KIAA0825: variants seen among roughly 807,000 people sequenced by gnomAD.
KIAA0825 encodes the protein uncharacterized protein KIAA0825.
In KIAA0825, 119 loss-of-function variants were observed where a neutral mutation model predicts 147.6. The observed-to-expected ratio is 0.81, with a 90% confidence interval of 0.69 to 0.94. KIAA0825 has a LOEUF of 0.94. KIAA0825 is among the 40% of genes least tolerant of loss of function. The probability of loss-of-function intolerance (pLI) is 0.00; values close to 1 mark genes in which losing one functional copy is unlikely to be tolerated. For synonymous variants in KIAA0825, 470 were observed against 518.1 expected (o/e 0.91, Z 1.26); for missense variants, 1,381 against 1,472.7 (o/e 0.94, Z 1.02).
chr5:94,610,787 GTATATA>G (rs374319650), intron 1 of KIAA0825, among the ~76,000 whole-genome samples: 3 of 95,120 alleles, frequency 3.2e-5, no homozygotes, highest in African/African-American at 1.3e-4. Context: ...AAAAAAAAAA[GTATATA>G]TATATATATA....
chr5:94,505,936 A>G (rs1190643703), intron 5 of KIAA0825, among the ~76,000 whole-genome samples: 1 of 152,204 alleles, frequency 6.6e-6, no homozygotes. Flanking sequence ...TCCTGAGTTA[A>G]TATTACTTCC....
intron 2 of KIAA0825, among the ~76,000 whole-genome samples, chr5:94,550,526 T>C (rs1274208417): frequency 6.6e-6 from 1 of 152,010 alleles, no homozygotes; most frequent in Non-Finnish European, 1.5e-5. Flanking sequence ...ATATCAAACA[T>C]AAAGAAAGGA....
intron 7 of KIAA0825, 39 bp from the exon 8 acceptor site, chr5:94,473,558 C>G: frequency 8.1e-7 from 1 of 1,236,344 alleles, no homozygotes; most frequent in Admixed American, 2.1e-5. Flanking sequence ...TTAATCTTAA[C>G]TCAGCAACAA....
At chr5:94,294,141 A>G (rs553400679) in intron 20 of KIAA0825, among the ~76,000 whole-genome samples, 1 of 152,144 alleles carries the variant, frequency 6.6e-6, no homozygotes, top group Non-Finnish European at 1.5e-5. Context: ...TAAGGTTAAT[A>G]TTGTTATGTG....
chr5:94,233,710 A>G (rs1774867745), intron 20 of KIAA0825, among the ~76,000 whole-genome samples: 1 of 152,214 alleles, frequency 6.6e-6, no homozygotes, highest in Admixed American at 6.5e-5. Flanking sequence ...GCTACAGTGA[A>G]TAGTGCTTTG....
At chr5:94,395,287 T>C (rs1211844158) in intron 17 of KIAA0825, among the ~76,000 whole-genome samples, 1 of 152,182 alleles carries the variant, frequency 6.6e-6, no homozygotes, top group Non-Finnish European at 1.5e-5. Context: ...CTTTTAGTCA[T>C]TTTGGGCAGA....
rs192073537 is a variant in KIAA0825, at chr5:94,504,139, C to T, written c.970+16109G>A. Among the ~76,000 whole-genome samples the T allele has an allele frequency of 3.5e-3, 531 of 152,300 alleles. 7 individuals carry two copies. Among genetic ancestry groups the T allele is most frequent in the Non-Finnish European group, 3.7e-3 (250 of 68,030 alleles). ...TAAATAAGGCCTTTATTGACAAGAT[C>T]GCATTTCTCCATGTTTTTTCATTGT... On this transcript the variant is annotated intron_variant, in intron 5 of 20. Coordinates refer to ENST00000682413, the MANE Select transcript of KIAA0825 (RefSeq NM_001145678.3).
intron 15 of KIAA0825, among the ~76,000 whole-genome samples, chr5:94,412,462 G>T (rs894814263): frequency 2.6e-5 from 4 of 152,102 alleles, no homozygotes; most frequent in African/African-American, 9.7e-5. Context: ...ATGCAGTGGT[G>T]TGATCTCGAC....
intron 20 of KIAA0825, among the ~76,000 whole-genome samples, chr5:94,337,552 T>C (rs1156342897): frequency 6.6e-6 from 1 of 152,244 alleles, no homozygotes; most frequent in East Asian, 1.9e-4. Flanking sequence ...AATCTGGAGA[T>C]GAGCACATTT....
chr5:94,358,725 A>G (rs1744658449), intron 20 of KIAA0825, among the ~76,000 whole-genome samples: 1 of 152,150 alleles, frequency 6.6e-6, no homozygotes, highest in South Asian at 2.1e-4. Flanking sequence ...GTATCACTGA[A>G]CCTGTTATCA....
chr5:94,617,120 T>C (rs1014973391), intron 1 of KIAA0825, among the ~76,000 whole-genome samples: 1 of 152,188 alleles, frequency 6.6e-6, no homozygotes, highest in Non-Finnish European at 1.5e-5. Context: ...AAATGTAAAG[T>C]GCCTGGCAGA....
intron 7 of KIAA0825, among the ~76,000 whole-genome samples, chr5:94,475,269 T>C (rs543123336): frequency 6.6e-6 from 1 of 152,160 alleles, no homozygotes; most frequent in East Asian, 1.9e-4. Flanking sequence ...ACAAAAAAAT[T>C]CTGATTTTTG....
At chr5:94,591,097 A>G (rs1353758622) in intron 1 of KIAA0825, among the ~76,000 whole-genome samples, 2 of 152,208 alleles carry the variant, frequency 1.3e-5, no homozygotes, top group Admixed American at 1.3e-4. Context: ...TATATTATGG[A>G]GAAGAGAAAT....
chr5:94,362,951 A>C (rs1010978833), intron 20 of KIAA0825, among the ~76,000 whole-genome samples: 5 of 152,232 alleles, frequency 3.3e-5, no homozygotes, highest in Non-Finnish European at 7.3e-5. Context: ...TCTTTATACA[A>C]AGCTATCTAT....
chr5:94,520,809 A>G lies in KIAA0825; in HGVS notation c.409T>C (p.Ser137Pro), dbSNP rs919437728. ...VSFPSTLSGT[S>P]FHFLSRTSLH... is the part of the protein sequence containing the mutation. The stretch of plus-strand genomic sequence containing the variant: ...GACGTCCTAGAGAGGAAATGGAAAG[A>G]TGTTCCACTTAGGGTTGATGGGAAT... Residue 137 changes from serine (S) to proline (P), a missense_variant, in exon 5 of 21, where the codon TCT becomes CCT. Transcript: ENST00000682413. The G allele has an allele frequency of 1.2e-6, 2 of 1,613,200 alleles. No homozygotes were observed. Among genetic ancestry groups the G allele is most frequent in the African/African-American group, 2.7e-5 (2 of 74,912 alleles).
At chr5:94,478,568 A>T (rs1331233460) in intron 6 of KIAA0825, among the ~76,000 whole-genome samples, 1 of 152,092 alleles carries the variant, frequency 6.6e-6, no homozygotes, top group Non-Finnish European at 1.5e-5. Flanking sequence ...ATTTCTCAAG[A>T]CACATCACAA....
At chr5:94,158,439 T>C (rs1294819448) in intron 20 of KIAA0825, among the ~76,000 whole-genome samples, 3 of 152,142 alleles carry the variant, frequency 2.0e-5, no homozygotes, top group Admixed American at 2.0e-4. Context: ...CACTACACTA[T>C]GTCTAGAGAG....
intron 1 of KIAA0825, among the ~76,000 whole-genome samples, chr5:94,607,930 C>T (rs922995188): frequency 2.0e-5 from 3 of 152,282 alleles, no homozygotes; most frequent in Admixed American, 1.3e-4. Flanking sequence ...TTTCCCACTG[C>T]ATTATTCAGA....
At chr5:94,164,708 G>C (rs1260204643) in intron 20 of KIAA0825, among the ~76,000 whole-genome samples, 1 of 151,990 alleles carries the variant, frequency 6.6e-6, no homozygotes, top group Non-Finnish European at 1.5e-5. Flanking sequence ...ACACGTGCCC[G>C]GCCTTAGTGA....
Sources: allele counts gnomAD v4.1 joint callset (sites outside exome capture counted in the v4.1 genomes callset), GRCh38; gene constraint gnomAD v4.1.1; transcripts MANE v1.5; gene names NCBI Gene and HGNC (gene_info 2026-07-23, HGNC 2026-07-21).